Variants in NELL1 observed in about 807,000 individuals in gnomAD.
NELL1 encodes protein kinase C-binding protein NELL1.
NELL1 carries 76 observed loss-of-function variants against 107.4 expected under a neutral mutation model. The ratio of observed to expected loss-of-function variants is 0.71; its 90% CI spans 0.59 to 0.86. The LOEUF (loss-of-function observed/expected upper bound fraction) is 0.86, where lower values mean the gene tolerates loss of function less well. Ranked by LOEUF, NELL1 falls within the 40% of genes least tolerant of loss-of-function variation. The pLI, the probability that NELL1 is intolerant of heterozygous loss-of-function variation, is 0.00. For synonymous variants in NELL1, 353 were observed against 341.2 expected, an observed-to-expected ratio of 1.03 and a Z score of -0.38; for missense variants, 1,024 against 1,005.5, an observed-to-expected ratio of 1.02 and a Z score of -0.25.
chr11:21,123,566 CT>C (rs1855421524), intron 13 of NELL1, among the ~76,000 whole-genome samples: 2 of 152,100 alleles, frequency 1.3e-5, no homozygotes, highest in Admixed American at 1.3e-4. Context: ...GTCAATCACT[CT>C]TTTCTGGAGA....
intron 16 of NELL1, among the ~76,000 whole-genome samples, chr11:21,551,840 A>G (rs61886260): frequency 6.6e-6 from 1 of 151,340 alleles, no homozygotes; most frequent in Middle Eastern, 3.4e-3. Flanking sequence ...ATGCACACGT[A>G]TGTTTATTGC....
At chr11:21,356,002 T>G (rs1850924734) in intron 14 of NELL1, among the ~76,000 whole-genome samples, 1 of 152,154 alleles carries the variant, frequency 6.6e-6, no homozygotes, top group South Asian at 2.1e-4. Flanking sequence ...CCTTTAGGTC[T>G]CTACTCAAAT....
intron 15 of NELL1, among the ~76,000 whole-genome samples, chr11:21,393,387 A>T (rs1396244490): frequency 6.6e-6 from 1 of 151,774 alleles, no homozygotes; most frequent in Non-Finnish European, 1.5e-5. Context: ...AAGGGTAATT[A>T]CAATTAAATA....
At chr11:20,812,980 GCCT>G (rs1287498702) in intron 3 of NELL1, among the ~76,000 whole-genome samples, 2 of 111,376 alleles carry the variant, frequency 1.8e-5, no homozygotes, top group African/African-American at 6.8e-5. Context: ...CTGCACTCCA[GCCT>G]GGGCGACAGC....
chr11:20,797,400 TA>T (rs1857191050), intron 3 of NELL1, among the ~76,000 whole-genome samples: 1 of 151,578 alleles, frequency 6.6e-6, no homozygotes, highest in Non-Finnish European at 1.5e-5. Context: ...CAGTCTCTAC[TA>T]AAAATACAAA....
intron 15 of NELL1, among the ~76,000 whole-genome samples, chr11:21,448,066 C>T (rs987545471): frequency 2.6e-5 from 4 of 152,164 alleles, no homozygotes; most frequent in African/African-American, 4.8e-5. Flanking sequence ...GTAGCCACTG[C>T]CAGGGAGTTG....
Position 21,060,268 on chromosome 11 carries a change from G to A in NELL1, c.1301-53321G>A, listed in dbSNP as rs143693655. On this transcript the variant is annotated intron_variant, in intron 12 of 19. Coordinates refer to ENST00000357134, the MANE Select transcript of NELL1 (RefSeq NM_006157.5). Reference sequence around the variant, plus strand: ...ACTGGGCAAGTCACTTAACCTCTATGAGTCTCGATTTCTCCTTCTGTATTA... The same window carrying A: ...ACTGGGCAAGTCACTTAACCTCTATAAGTCTCGATTTCTCCTTCTGTATTA... Among the ~76,000 whole-genome samples the A allele has an allele frequency of 1.6e-3, 238 of 152,260 alleles. 1 individual carries two copies. Among genetic ancestry groups the A allele is most frequent in the Middle Eastern group, 0.01 (3 of 294 alleles).
intron 5 of NELL1, among the ~76,000 whole-genome samples, chr11:20,911,498 C>T (rs1404176887): frequency 1.3e-5 from 2 of 152,154 alleles, no homozygotes; most frequent in African/African-American, 4.8e-5. Flanking sequence ...CTTCATTCAA[C>T]AAATATTTAT....
chr11:21,438,580 C>T (rs1853193349), intron 15 of NELL1, among the ~76,000 whole-genome samples: 1 of 152,082 alleles, frequency 6.6e-6, no homozygotes, highest in Non-Finnish European at 1.5e-5. Context: ...TCTTCTCCAT[C>T]AAGGACTCTC....
At position 20,935,968 on chromosome 11, in the gene NELL1, T is replaced by A. The variant is rs549285367; in HGVS notation, c.998-1818T>A. Among the ~76,000 whole-genome samples the A allele has an allele frequency of 4.6e-5, 7 of 152,106 alleles. No homozygotes were observed. In the South Asian group the frequency reaches 1.5e-3, roughly 32 times the overall value. ...GGAGAATACAGGAGTGGAACATATT[T>A]GGGTGGGGAGTGAGGTTGCTGCAGG... On this transcript the variant is annotated intron_variant, in intron 9 of 19. Transcript: ENST00000357134.
chr11:21,382,095 C>T lies in NELL1; in HGVS notation c.1645+11147C>T, dbSNP rs16908023. ...TTCTACAAATATTTTCTTAGTTCTT[C>T]GTTGATTCCTCAAATTGAAGAAAGG... On this transcript the variant is annotated intron_variant, in intron 15 of 19. Coordinates refer to ENST00000357134, the MANE Select transcript of NELL1 (RefSeq NM_006157.5). Among the ~76,000 whole-genome samples the T allele has an allele frequency of 6.6e-5, 10 of 151,782 alleles. No individual in the cohort carries two copies. In the South Asian group the frequency reaches 1.5e-3, roughly 22 times the overall value.
chr11:20,727,438 G>A (rs1430765639), intron 2 of NELL1, among the ~76,000 whole-genome samples: 1 of 152,120 alleles, frequency 6.6e-6, no homozygotes, highest in African/African-American at 2.4e-5. Context: ...ACTTTTTGAT[G>A]GGGTTGTTTG....
At chr11:21,376,169 T>C (rs1023665340) in intron 15 of NELL1, among the ~76,000 whole-genome samples, 1 of 152,080 alleles carries the variant, frequency 6.6e-6, no homozygotes, top group African/African-American at 2.4e-5. Flanking sequence ...TATAGGATTC[T>C]ACAGTTTGAG....
At chr11:20,898,134 A>G (rs910760179) in intron 5 of NELL1, among the ~76,000 whole-genome samples, 1 of 152,324 alleles carries the variant, frequency 6.6e-6, no homozygotes, top group Non-Finnish European at 1.5e-5. Context: ...TGTTTATCGC[A>G]GCACTATTCA....
intron 12 of NELL1, among the ~76,000 whole-genome samples, chr11:21,085,026 A>G (rs1292987216): frequency 1.3e-5 from 2 of 152,238 alleles, no homozygotes; most frequent in Non-Finnish European, 2.9e-5. Flanking sequence ...TTTATGGTGT[A>G]GGAATTAAAG....
rs1482608188 is a variant in NELL1 at position 20,914,370 on chromosome 11, G to T, written c.604-3812G>T. Among the ~76,000 whole-genome samples, 3 of 152,088 alleles carry T rather than the reference G, an allele frequency of 2.0e-5. No individual in the cohort carries two copies. The East Asian group carries it at 5.8e-4, about 29-fold the overall frequency. ...GGGTAGGACAACCAGAAGGGTGGCAGCTTCCAGGTCATAGGTAGATTTAAA... is the reference window on the plus strand; with the variant it reads ...GGGTAGGACAACCAGAAGGGTGGCATCTTCCAGGTCATAGGTAGATTTAAA... On this transcript the variant is annotated intron_variant, in intron 5 of 19. Transcript: ENST00000357134.
In NELL1 at chr11:21,171,535, AT is replaced by A. The variant is rs531369278; in HGVS notation, c.1427-57793del. ...TTATTAGCATTTTAATACCATATGG[AT>A]TTTCTCTATTTTCGGATATTTATAT... On this transcript the variant is annotated intron_variant, in intron 13 of 19. Coordinates refer to ENST00000357134, the MANE Select transcript of NELL1 (RefSeq NM_006157.5). Among the ~76,000 whole-genome samples the A allele has an allele frequency of 3.6e-3, 539 of 151,766 alleles. 11 individuals are homozygous for A. The highest frequency in any genetic ancestry group is 0.011 in the African/African-American group (453 of 41,156).
At chr11:21,406,357 C>A (rs1590906925) in intron 15 of NELL1, among the ~76,000 whole-genome samples, 1 of 151,916 alleles carries the variant, frequency 6.6e-6, no homozygotes, top group African/African-American at 2.4e-5. Flanking sequence ...TTCTTTACAA[C>A]CAAATTATCC....
chr11:21,133,076 G>C (rs1205984747), intron 13 of NELL1, among the ~76,000 whole-genome samples: 1 of 152,114 alleles, frequency 6.6e-6, no homozygotes, highest in African/African-American at 2.4e-5. Flanking sequence ...GAGGATAGAT[G>C]GAAGATGACC....
Sources: allele counts gnomAD v4.1 joint callset (sites outside exome capture counted in the v4.1 genomes callset), GRCh38; gene constraint gnomAD v4.1.1; transcripts MANE v1.5; gene names NCBI Gene and HGNC (gene_info 2026-07-23, HGNC 2026-07-21).